BIRC6: variants seen among roughly 807,000 people sequenced by gnomAD.
BIRC6 encodes baculoviral IAP repeat containing 6, also known as dual E2 ubiquitin-conjugating enzyme/E3 ubiquitin-protein ligase BIRC6.
Under a neutral mutation model 503.3 loss-of-function variants are expected in BIRC6, and 98 were observed. That is an observed-to-expected ratio of 0.19 (90% CI 0.17 to 0.23). The LOEUF (loss-of-function observed/expected upper bound fraction) is 0.23, where lower values mean the gene tolerates loss of function less well. BIRC6 is among the 10% of genes least tolerant of loss of function. The pLI, the probability that BIRC6 is intolerant of heterozygous loss-of-function variation, is 1.00. For synonymous variants in BIRC6, 2,240 were observed against 2,078.7 expected (o/e 1.08, Z -2.11); for missense variants, 5,360 against 5,806.0 (o/e 0.92, Z 2.50).
At chr2:32,405,592 G>C (rs1476334576) in intron 8 of BIRC6, among the ~76,000 whole-genome samples, 3 of 152,092 alleles carry the variant, frequency 2.0e-5, no homozygotes, top group Non-Finnish European at 2.9e-5. Context: ...GGATCACAAG[G>C]TCAGGAGATA....
chr2:32,393,687 T>G (rs562855030), intron 5 of BIRC6, among the ~76,000 whole-genome samples: 18 of 152,260 alleles, frequency 1.2e-4, no homozygotes, highest in African/African-American at 4.3e-4. Context: ...TCCCAGCTAA[T>G]TCTGTTTATT....
chr2:32,589,276 C>T (rs888331540), intron 66 of BIRC6, among the ~76,000 whole-genome samples: 4 of 152,102 alleles, frequency 2.6e-5, no homozygotes, highest in Admixed American at 6.6e-5. Context: ...CTTTTATTGC[C>T]GTTTTTCCTA....
rs1212656463 is a variant in BIRC6 at position 32,549,465 on chromosome 2, T to C, written c.13128T>C (p.Tyr4376=). ...QSCLIPAMSS[Y]LRNDSVLDMA... ...GCCTCATCCCAGCCATGTCATCTTA[T>C]CTACGAAATGATTCAGGTAAATAAT... is the stretch of plus-strand genomic sequence containing the variant. The change falls in exon 65 of 74, where the codon TAT becomes TAC. Residue 4376 remains tyrosine (Y), a synonymous_variant. Transcript: ENST00000421745. The C allele has an allele frequency of 3.5e-6, 5 of 1,444,612 alleles. No homozygotes were observed. The highest frequency in any genetic ancestry group is 3.7e-6 in the Non-Finnish European group (4 of 1,078,048). 89.5% of individuals were successfully genotyped at this position (1,444,612 alleles called of 1,614,324 possible). A position where few individuals can be genotyped will look rare whatever the true frequency, so the allele number is the denominator to read the frequency against.
At chr2:32,552,830 T>TTGAG (rs559977828) in intron 65 of BIRC6, among the ~76,000 whole-genome samples, 255 of 151,206 alleles carry the variant, frequency 1.7e-3, no homozygotes, top group African/African-American at 5.4e-3. Context: ...AAAAAATTAT[T>TTGAG]ACTATTCTAA....
intron 1 of BIRC6, among the ~76,000 whole-genome samples, chr2:32,376,944 A>G (rs1014935738): frequency 6.6e-6 from 1 of 152,164 alleles, no homozygotes; most frequent in Admixed American, 6.5e-5. Context: ...TTGACTGGGT[A>G]ACTGAAACTG....
At chr2:32,399,287 T>C (rs2040338886) in intron 6 of BIRC6, among the ~76,000 whole-genome samples, 1 of 152,204 alleles carries the variant, frequency 6.6e-6, no homozygotes, top group South Asian at 2.1e-4. Flanking sequence ...GGTTTCCCCA[T>C]GTTGGCCAGG....
chr2:32,491,291 C>A, intron 43 of BIRC6, 134 bp from the exon 44 acceptor site: 1 of 879,816 alleles, frequency 1.1e-6, no homozygotes, highest in East Asian at 2.7e-5. Context: ...ATAGTAGAAA[C>A]TGAAACCCCT....
chr2:32,437,811 A>T (rs2044898992), intron 15 of BIRC6, among the ~76,000 whole-genome samples: 1 of 152,150 alleles, frequency 6.6e-6, no homozygotes, highest in Non-Finnish European at 1.5e-5. Context: ...TATTGTCATT[A>T]GGTTTTCGAG....
intron 65 of BIRC6, among the ~76,000 whole-genome samples, chr2:32,560,892 G>A (rs1006107393): frequency 2.0e-5 from 3 of 150,734 alleles, no homozygotes; most frequent in Non-Finnish European, 4.4e-5. Context: ...GCAACATCTC[G>A]TGCTTTATAA....
At chr2:32,406,595 C>T in intron 9 of BIRC6, 38 bp downstream of exon 9, 1 of 1,449,606 alleles carries the variant, frequency 6.9e-7, no homozygotes. Flanking sequence ...TTAAAAAATT[C>T]TTTACACAGT....
Position 32,487,685 on chromosome 2 carries a change from G to C in BIRC6, c.7852G>C (p.Gly2618Arg), listed in dbSNP as rs138101885. The part of the protein sequence containing the change: ...SPTGTDDSLL[G>R]GLQAANQTSQ... ...CACTGGAACAGATGATTCACTTCTA[G>C]GGGGTTTACAAGCAGCAAACCAAAC... is the stretch of plus-strand genomic sequence containing the variant. Residue 2618 changes from glycine (G) to arginine (R), a missense_variant, in exon 41 of 74, where the codon GGG becomes CGG. By Grantham distance (125) the Gly-to-Arg change is moderately radical. Around this residue, in one of 16 missense-constraint regions of BIRC6, gnomAD observed 2,299 missense variants for 2,267.2 expected, o/e 1.01. Coordinates refer to ENST00000421745, the MANE Select transcript of BIRC6 (RefSeq NM_016252.4). The C allele has an allele frequency of 7.4e-6, 12 of 1,613,418 alleles. No individual in the cohort carries two copies. The African/African-American group carries it at 1.6e-4, about 22-fold the overall frequency.
At chr2:32,408,632 C>G (rs1183491815) in intron 9 of BIRC6, among the ~76,000 whole-genome samples, 1 of 152,072 alleles carries the variant, frequency 6.6e-6, no homozygotes, top group African/African-American at 2.4e-5. Flanking sequence ...ATTTTCTTAC[C>G]CTTTTTCTAC....
Position 32,505,168 on chromosome 2 carries a change from G to A in BIRC6, c.9663G>A (p.Lys3221=), listed in dbSNP as rs1300390735. The part of the protein sequence containing the change: ...TIHLPAAVLL[K]EIHIQPHLAS... ...ACCTTCCTGCAGCAGTGCTGCTTAAGGAGATACATATCCAGCCTCATCTTG... is the reference window on the plus strand; with the variant it reads ...ACCTTCCTGCAGCAGTGCTGCTTAAAGAGATACATATCCAGCCTCATCTTG... Residue 3221 remains lysine (K), a synonymous_variant, in exon 50 of 74, where the codon AAG becomes AAA. Coordinates refer to ENST00000421745, the MANE Select transcript of BIRC6 (RefSeq NM_016252.4). 6.3e-7 allele frequency: 1 copy of A among 1,587,586 alleles called. No homozygotes were observed. Among genetic ancestry groups the A allele is most frequent in the Non-Finnish European group, 8.6e-7 (1 of 1,166,022 alleles).
At chr2:32,377,443 C>T (rs182004894) in intron 1 of BIRC6, 145 bp from the exon 2 acceptor site, 1 of 505,906 alleles carries the variant, frequency 2.0e-6, no homozygotes, top group South Asian at 4.8e-5. Flanking sequence ...ATCCAGTTGG[C>T]CCAATAATGT....
Position 32,595,046 on chromosome 2 carries a change from G to A in BIRC6, c.13514G>A (p.Gly4505Asp). 1.9e-6 allele frequency: 3 copies of A among 1,586,876 alleles called. No individual in the cohort carries two copies. Among genetic ancestry groups the A allele is most frequent in the Non-Finnish European group, 2.6e-6 (3 of 1,169,798 alleles). Reference protein sequence around the residue: ...LRQANQEKKLGEYSKKAAMKP... With the variant: ...LRQANQEKKLDEYSKKAAMKP... The stretch of plus-strand genomic sequence containing the variant: ...TATTAAATAACAGAAAAAAAACTGG[G>A]TGAATACTCCAAGAAGGCGGCTATG... The change falls in exon 68 of 74, where the codon GGT becomes GAT. Residue 4505 changes from glycine (G) to aspartate (D), a missense_variant. Physicochemically the swap from Gly to Asp is moderately conservative, Grantham distance 94. Transcript: ENST00000421745.
intron 45 of BIRC6, among the ~76,000 whole-genome samples, chr2:32,495,756 A>G (rs946012339): frequency 8.4e-6 from 1 of 119,624 alleles, no homozygotes. Flanking sequence ...TATGTTTTAT[A>G]TTTAGGCTTG....
At chr2:32,376,948 G>C (rs2149356618) in intron 1 of BIRC6, among the ~76,000 whole-genome samples, 1 of 152,248 alleles carries the variant, frequency 6.6e-6, no homozygotes, top group South Asian at 2.1e-4. Flanking sequence ...CTGGGTAACT[G>C]AAACTGCACA....
chr2:32,531,358 A>G lies in BIRC6; in HGVS notation c.12098A>G (p.His4033Arg). The G allele has an allele frequency of 1.1e-5, 17 of 1,610,316 alleles. No homozygotes were observed. Among genetic ancestry groups the G allele is most frequent in the East Asian group, 2.2e-5 (1 of 44,842 alleles). ...SYKRLHPEKD[H>R]GDLLASCPED... ...TTATTTGTAATTTATTGTCTAGATC[A>G]TGGAGACTTACTTGCTAGCTGTCCA... is the stretch of plus-strand genomic sequence containing the variant. Residue 4033 changes from histidine (H) to arginine (R), a missense_variant, in exon 61 of 74, where the codon CAT becomes CGT. Around this residue, in one of 16 missense-constraint regions of BIRC6, gnomAD observed 878 missense variants for 928.9 expected, o/e 0.95. Coordinates refer to ENST00000421745, the MANE Select transcript of BIRC6 (RefSeq NM_016252.4).
At position 32,501,733 on chromosome 2, in the gene BIRC6, A is replaced by T; in HGVS notation, c.9052A>T (p.Thr3018Ser). ...CTTAGGAGCAAGTGGATTACATCTC[A>T]CTAAACATGAAAACTTTCATGGTGG... ...MIIGASGLHL[T>S]KHENFHGGLD... is the part of the protein sequence containing the mutation. Residue 3018 changes from threonine (T) to serine (S), a missense_variant, in exon 47 of 74, where the codon ACT becomes TCT. This residue lies in a region of BIRC6 where 267 missense variants were observed against 287.6 expected (regional missense o/e 0.93). Coordinates refer to ENST00000421745, the MANE Select transcript of BIRC6 (RefSeq NM_016252.4). The T allele has an allele frequency of 6.2e-7, 1 of 1,611,992 alleles. No individual in the cohort carries two copies. The highest frequency in any genetic ancestry group is 8.5e-7 in the Non-Finnish European group (1 of 1,179,248).
Sources: allele counts gnomAD v4.1 joint callset (sites outside exome capture counted in the v4.1 genomes callset), GRCh38; gene constraint gnomAD v4.1.1; regional missense constraint gnomAD v4.1.1; transcripts MANE v1.5; gene names NCBI Gene and HGNC (gene_info 2026-07-23, HGNC 2026-07-21).